The following CCBE1 variants were observed in gnomAD, a reference collection of about 807,000 sequenced individuals.
The protein encoded by CCBE1 is collagen and calcium binding EGF domains 1, also known as collagen and calcium-binding EGF domain-containing protein 1.
CCBE1 carries 37 observed loss-of-function variants against 50.0 expected under a neutral mutation model. The observed-to-expected ratio is 0.74, with a 90% CI of 0.57 to 0.97. The LOEUF (loss-of-function observed/expected upper bound fraction) is 0.97, where lower values mean the gene tolerates loss of function less well. CCBE1 is among the 50% of genes least tolerant of loss of function. The pLI is 0.00. For synonymous variants in CCBE1, 234 were observed against 203.7 expected (o/e 1.15, Z -1.27); for missense variants, 538 against 523.8 (o/e 1.03, Z -0.26).
chr18:59,666,654 T>C (rs2054361281), intron 2 of CCBE1, among the ~76,000 whole-genome samples: 1 of 152,044 alleles, frequency 6.6e-6, no homozygotes, highest in South Asian at 2.1e-4. Context: ...ATTGTGAATG[T>C]ATACAAGGCA....
intron 9 of CCBE1, 85 bp from the exon 10 acceptor site, chr18:59,438,231 C>T (rs1910250834): frequency 8.6e-7 from 1 of 1,157,914 alleles, no homozygotes; most frequent in Admixed American, 1.7e-5. Context: ...ACCATAACCA[C>T]TTCCCTGCAC....
At chr18:59,621,420 T>C (rs1388920391) in intron 2 of CCBE1, among the ~76,000 whole-genome samples, 1 of 152,198 alleles carries the variant, frequency 6.6e-6, no homozygotes, top group Non-Finnish European at 1.5e-5. Context: ...ATTGGTTTTA[T>C]CCTCACATCC....
chr18:59,667,988 C>T (rs1232929185), intron 2 of CCBE1, among the ~76,000 whole-genome samples: 1 of 151,872 alleles, frequency 6.6e-6, no homozygotes, highest in Non-Finnish European at 1.5e-5. Context: ...GGGTGGGGAG[C>T]TAGGGGAGGG....
At chr18:59,680,590 G>A (rs1158394753) in intron 2 of CCBE1, among the ~76,000 whole-genome samples, 1 of 151,662 alleles carries the variant, frequency 6.6e-6, no homozygotes, top group Non-Finnish European at 1.5e-5. Flanking sequence ...CCCAGCTACT[G>A]GGGAGGCTGA....
chr18:59,514,642 C>A, intron 2 of CCBE1, among the ~76,000 whole-genome samples: 1 of 126,538 alleles, frequency 7.9e-6, no homozygotes. Context: ...CTTTCCTTTC[C>A]TTGAAAAAAA....
intron 2 of CCBE1, among the ~76,000 whole-genome samples, chr18:59,506,636 C>A (rs1215309180): frequency 1.3e-5 from 2 of 152,194 alleles, no homozygotes; most frequent in African/African-American, 4.8e-5. Flanking sequence ...TCTTTCCTTC[C>A]TCTCTCCAGT....
chr18:59,637,145 C>A (rs1015118711), intron 2 of CCBE1, among the ~76,000 whole-genome samples: 4 of 152,094 alleles, frequency 2.6e-5, no homozygotes, highest in African/African-American at 9.7e-5. Flanking sequence ...AGGTTGAATC[C>A]CAGCAGTACA....
chr18:59,437,225 A>C (rs1413312722), intron 10 of CCBE1, among the ~76,000 whole-genome samples: 2 of 152,166 alleles, frequency 1.3e-5, no homozygotes, highest in East Asian at 3.9e-4. Flanking sequence ...ATGCACAAAC[A>C]CGCATGTTCT....
intron 2 of CCBE1, among the ~76,000 whole-genome samples, chr18:59,679,436 G>A (rs1200156424): frequency 3.9e-5 from 6 of 152,162 alleles, no homozygotes; most frequent in African/African-American, 1.4e-4. Flanking sequence ...AGAGATGAAT[G>A]CTGACATATG....
chr18:59,524,087 G>A (rs531200683), intron 2 of CCBE1, among the ~76,000 whole-genome samples: 7 of 152,248 alleles, frequency 4.6e-5, no homozygotes, highest in Middle Eastern at 3.4e-3. Flanking sequence ...TTGGGAGGCC[G>A]AGGCAGGCAG....
At chr18:59,602,717 T>A (rs2053449308) in intron 2 of CCBE1, among the ~76,000 whole-genome samples, 1 of 152,070 alleles carries the variant, frequency 6.6e-6, no homozygotes, top group Non-Finnish European at 1.5e-5. Context: ...TGAGTAGGAC[T>A]TGGAAGGCAA....
chr18:59,490,387 CTTTT>C (rs11379621), intron 2 of CCBE1, among the ~76,000 whole-genome samples: 1 of 141,794 alleles, frequency 7.1e-6, no homozygotes. Flanking sequence ...GATATTCCCC[CTTTT>C]TTTTTTTTTG....
At chr18:59,658,483 G>T (rs1308608316) in intron 2 of CCBE1, among the ~76,000 whole-genome samples, 1 of 135,794 alleles carries the variant, frequency 7.4e-6, no homozygotes, top group Non-Finnish European at 1.6e-5. Context: ...CAGACAGATT[G>T]CTCTAGCCCA....
At chr18:59,568,825 C>T (rs995078854) in intron 2 of CCBE1, among the ~76,000 whole-genome samples, 3 of 152,228 alleles carry the variant, frequency 2.0e-5, no homozygotes, top group African/African-American at 7.2e-5. Flanking sequence ...AGCATGCTTA[C>T]TACTGTGGTA....
intron 3 of CCBE1, among the ~76,000 whole-genome samples, chr18:59,475,828 C>T (rs528551170): frequency 6.6e-6 from 1 of 152,276 alleles, no homozygotes; most frequent in African/African-American, 2.4e-5. Context: ...AGCAATTCTC[C>T]CTGCCTCAGC....
intron 2 of CCBE1, among the ~76,000 whole-genome samples, chr18:59,543,549 C>T (rs1407865222): frequency 2.0e-5 from 3 of 152,012 alleles, no homozygotes; most frequent in East Asian, 1.9e-4. Context: ...CGAGAGGCCC[C>T]GAGAGGCCGG....
intron 2 of CCBE1, among the ~76,000 whole-genome samples, chr18:59,690,356 G>A (rs1189600715): frequency 5.3e-5 from 8 of 152,166 alleles, no homozygotes; most frequent in South Asian, 2.1e-4. Flanking sequence ...TTTTCATCCC[G>A]CAAATAAAAG....
chr18:59,467,471 G>A (rs370002632), intron 4 of CCBE1, among the ~76,000 whole-genome samples: 25 of 152,124 alleles, frequency 1.6e-4, no homozygotes, highest in African/African-American at 4.6e-4. Context: ...GGGTCTAATG[G>A]AAAGAGTCTT....
At chr18:59,563,260 G>A (rs767628413) in intron 2 of CCBE1, among the ~76,000 whole-genome samples, 11 of 152,162 alleles carry the variant, frequency 7.2e-5, no homozygotes, top group Non-Finnish European at 1.6e-4. Flanking sequence ...ATGTGGATGG[G>A]GGTTGGGGGG....
Sources: allele counts gnomAD v4.1 joint callset (sites outside exome capture counted in the v4.1 genomes callset), GRCh38; gene constraint gnomAD v4.1.1; transcripts MANE v1.5; gene names NCBI Gene and HGNC (gene_info 2026-07-23, HGNC 2026-07-21).